Variants in PADI4 observed in about 807,000 individuals in gnomAD.
The protein encoded by PADI4 is protein-arginine deiminase type-4.
In PADI4, 62 loss-of-function variants were observed where a neutral mutation model predicts 75.0. The ratio of observed to expected loss-of-function variants is 0.83; its 90% CI spans 0.67 to 1.02. PADI4 has a LOEUF of 1.02. Among genes scored for constraint, PADI4 ranks in the 50% least tolerant of loss-of-function variants. PADI4 has a pLI of 0.00. For synonymous variants in PADI4, 361 were observed against 348.1 expected (o/e 1.04, Z -0.41); for missense variants, 845 against 850.5 (o/e 0.99, Z 0.08).
intron 1 of PADI4, among the ~76,000 whole-genome samples, chr1:17,318,451 A>T (rs1263597455): frequency 1.3e-5 from 2 of 152,184 alleles, no homozygotes; most frequent in Non-Finnish European, 2.9e-5. Flanking sequence ...GTGAACACCA[A>T]CTCAGGCAAC....
intron 4 of PADI4, among the ~76,000 whole-genome samples, chr1:17,337,143 G>T (rs1290069516): frequency 5.0e-5 from 5 of 100,786 alleles, no homozygotes; most frequent in Admixed American, 9.7e-5. Context: ...ATTTATTTAT[G>T]TATTTATGTA....
At chr1:17,319,559 T>A (rs2073999219) in intron 1 of PADI4, among the ~76,000 whole-genome samples, 1 of 152,002 alleles carries the variant, frequency 6.6e-6, no homozygotes, top group Non-Finnish European at 1.5e-5. Context: ...AGACAGAGGG[T>A]GTATTAGTTT....
At chr1:17,361,967 G>A (rs1191307068) in intron 15 of PADI4, among the ~76,000 whole-genome samples, 1 of 152,178 alleles carries the variant, frequency 6.6e-6, no homozygotes, top group Admixed American at 6.5e-5. Context: ...AGGGATTCAT[G>A]GGCAGTTTCA....
intron 10 of PADI4, among the ~76,000 whole-genome samples, chr1:17,349,241 T>G (rs1195206948): frequency 6.6e-6 from 1 of 152,182 alleles, no homozygotes; most frequent in Admixed American, 6.5e-5. Flanking sequence ...TGTGTCTACT[T>G]TGATGCTCCA....
intron 1 of PADI4, among the ~76,000 whole-genome samples, chr1:17,311,045 C>T (rs930402650): frequency 5.3e-5 from 8 of 150,796 alleles, no homozygotes; most frequent in African/African-American, 7.3e-5. Flanking sequence ...TGCAGTGAAC[C>T]GAGATTGTGC....
At position 17,339,768 on chromosome 1, in the gene PADI4, G is replaced by A. The variant is rs147414271; in HGVS notation, c.607G>A (p.Val203Met). Residue 203 changes from valine to methionine, a missense_variant, in exon 6 of 16, where the codon GTG becomes ATG. Coordinates refer to ENST00000375448, the MANE Select transcript of PADI4 (RefSeq NM_012387.3). ...FFTNHTLVLHVARSEMDKVRV... is the reference protein window; with the variant it reads ...FFTNHTLVLHMARSEMDKVRV... ...CACAAACCATACACTGGTGCTCCAC[G>A]TGGCCAGGTCTGAGATGGACAAAGT... is the stretch of plus-strand genomic sequence containing the variant. 1.3e-4 allele frequency: 216 copies of A among 1,613,782 alleles called. No individual in the cohort carries two copies. The East Asian group carries it at 3.6e-3, about 27-fold the overall frequency.
chr1:17,337,151 G>GTATTTATT (rs144819181), intron 4 of PADI4, among the ~76,000 whole-genome samples: 50 of 142,490 alleles, frequency 3.5e-4, no homozygotes, highest in South Asian at 8.7e-4. Context: ...ATGTATTTAT[G>GTATTTATT]TATTTATTTA....
At chr1:17,336,458 C>T (rs1211466369) in intron 4 of PADI4, among the ~76,000 whole-genome samples, 1 of 152,184 alleles carries the variant, frequency 6.6e-6, no homozygotes, top group African/African-American at 2.4e-5. Context: ...AAACTGGAAA[C>T]CCTACTGAGT....
At chr1:17,347,752 G>A (rs1409535171) in intron 9 of PADI4, among the ~76,000 whole-genome samples, 189 bp from the exon 10 acceptor site, 8 of 152,310 alleles carry the variant, frequency 5.3e-5, no homozygotes, top group Admixed American at 3.9e-4. Flanking sequence ...ATGGCCTCTC[G>A]TGCACTGGGC....
chr1:17,360,816 C>T (rs964032740), intron 15 of PADI4, among the ~76,000 whole-genome samples: 2 of 152,168 alleles, frequency 1.3e-5, no homozygotes, highest in Non-Finnish European at 2.9e-5. Context: ...TCCGGGAAGG[C>T]CTCTGTGAGG....
At chr1:17,339,913 G>A in intron 6 of PADI4, 100 bp downstream of exon 6, 1 of 1,346,232 alleles carries the variant, frequency 7.4e-7, no homozygotes. Context: ...CCTACTATGT[G>A]CCAAGTTCTA....
At chr1:17,351,994 T>TCAGGGAGGTGATGGGAGGAGAGGCGGC (rs1557576453) in intron 10 of PADI4, among the ~76,000 whole-genome samples, 1 of 44,800 alleles carries the variant, frequency 2.2e-5, no homozygotes, top group Non-Finnish European at 4.0e-5. Flanking sequence ...GGAGAGGCAG[T>TCAGGGAGGTGATGGGAGGAGAGGCGGC]CAGGGAGGTG....
At chr1:17,316,942 T>C (rs2073951302) in intron 1 of PADI4, among the ~76,000 whole-genome samples, 1 of 152,068 alleles carries the variant, frequency 6.6e-6, no homozygotes, top group African/African-American at 2.4e-5. Context: ...GACCTCATAG[T>C]GCTGCCGTGA....
At chr1:17,348,899 G>T (rs977375186) in intron 10 of PADI4, 1 of 152,228 alleles carries the variant, frequency 6.6e-6, no homozygotes, top group Non-Finnish European at 1.5e-5. Flanking sequence ...GGAAAACGAC[G>T]GAAGGAGTGT....
chr1:17,342,837 G>A (rs764238124), intron 8 of PADI4, among the ~76,000 whole-genome samples: 1 of 152,168 alleles, frequency 6.6e-6, no homozygotes, highest in Admixed American at 6.5e-5. Flanking sequence ...TTGGCCGGGC[G>A]TGGTGGCGCA....
intron 1 of PADI4, among the ~76,000 whole-genome samples, chr1:17,318,409 A>G (rs921967167): frequency 1.3e-5 from 2 of 152,220 alleles, no homozygotes; most frequent in African/African-American, 4.8e-5. Context: ...CACACAGAGA[A>G]AGGTGACTAG....
At chr1:17,348,116 A>C in intron 10 of PADI4, 68 bp downstream of exon 10, 1 of 1,020,632 alleles carries the variant, frequency 9.8e-7, no homozygotes, top group Non-Finnish European at 1.5e-6. Flanking sequence ...CCCTCCTTTT[A>C]GCCTGCCTTC....
intron 15 of PADI4, among the ~76,000 whole-genome samples, chr1:17,362,835 T>C (rs768395817): frequency 1.3e-5 from 2 of 152,204 alleles, no homozygotes; most frequent in Non-Finnish European, 2.9e-5. Context: ...TTTATTTTGT[T>C]TTAATTTTTG....
intron 1 of PADI4, among the ~76,000 whole-genome samples, chr1:17,324,157 T>TG (rs2074081468): frequency 6.6e-6 from 1 of 151,102 alleles, no homozygotes; most frequent in East Asian, 1.9e-4. Flanking sequence ...TTTTTTTTGT[T>TG]TTTTTTTTTT....
Sources: gnomAD v4.1 joint callset for allele counts (sites outside exome capture counted in the v4.1 genomes callset) on GRCh38, gnomAD v4.1.1 for gene constraint, MANE v1.5 for transcripts, NCBI Gene and HGNC (gene_info 2026-07-23, HGNC 2026-07-21) for gene names.